Variants in ASH1L observed in about 807,000 individuals in gnomAD.
ASH1L encodes the protein ASH1 like histone lysine methyltransferase.
A neutral mutation model predicts 269.0 loss-of-function variants in ASH1L; 23 were observed. The ratio of observed to expected loss-of-function variants is 0.09; its 90% CI spans 0.06 to 0.12. The LOEUF (loss-of-function observed/expected upper bound fraction) is 0.12. Among genes scored for constraint, ASH1L ranks in the 10% least tolerant of loss-of-function variants. The pLI is 1.00. For synonymous variants in ASH1L, 1,187 were observed against 1,253.5 expected (o/e 0.95, Z 1.12); for missense variants, 2,912 against 3,567.8 (o/e 0.82, Z 4.68).
intron 5 of ASH1L, among the ~76,000 whole-genome samples, chr1:155,419,768 T>A (rs1467035161): frequency 2.0e-5 from 3 of 152,274 alleles, no homozygotes; most frequent in Non-Finnish European, 2.9e-5. Context: ...ATATGTTCAG[T>A]ATCATAACAG....
intron 7 of ASH1L, among the ~76,000 whole-genome samples, chr1:155,394,951 T>A (rs543392905): frequency 6.6e-6 from 1 of 152,328 alleles, no homozygotes; most frequent in South Asian, 2.1e-4. Context: ...TAATTTTTTT[T>A]AGAGACAGGA....
At chr1:155,401,934 C>T (rs1295902484) in intron 6 of ASH1L, among the ~76,000 whole-genome samples, 1 of 151,998 alleles carries the variant, frequency 6.6e-6, no homozygotes, top group Non-Finnish European at 1.5e-5. Flanking sequence ...ACTAAAGATA[C>T]AAAAAATTAG....
chr1:155,401,803 TG>T (rs1230368423), intron 6 of ASH1L, among the ~76,000 whole-genome samples: 3 of 148,430 alleles, frequency 2.0e-5, no homozygotes, highest in Non-Finnish European at 4.5e-5. Context: ...AAGAGCATAC[TG>T]GCTTCCGGGA....
chr1:155,433,542 C>T, intron 5 of ASH1L: 1 of 1,610,130 alleles, frequency 6.2e-7, no homozygotes, highest in Non-Finnish European at 8.5e-7. Context: ...CCCCCTGGTG[C>T]CGTGAAACTG....
chr1:155,467,868 G>T (rs72704180), intron 3 of ASH1L, among the ~76,000 whole-genome samples: 6,516 of 151,944 alleles, frequency 0.043, 170 homozygotes, highest in Middle Eastern at 0.071. Flanking sequence ...TCATTATTCT[G>T]GAATAAATTC....
At chr1:155,476,692 TA>T in intron 3 of ASH1L, among the ~76,000 whole-genome samples, 1 of 151,650 alleles carries the variant, frequency 6.6e-6, no homozygotes, top group South Asian at 2.1e-4. Flanking sequence ...GCTGGGACTA[TA>T]AGCGCCTGCC....
intron 5 of ASH1L, among the ~76,000 whole-genome samples, chr1:155,428,605 C>T (rs751531513): frequency 2.8e-4 from 42 of 152,106 alleles, no homozygotes; most frequent in Non-Finnish European, 4.4e-4. Flanking sequence ...AGAATAAGGG[C>T]AAGAAACACC....
intron 3 of ASH1L, among the ~76,000 whole-genome samples, chr1:155,476,161 C>A (rs1172330960): frequency 6.6e-6 from 1 of 152,082 alleles, no homozygotes; most frequent in Non-Finnish European, 1.5e-5. Flanking sequence ...CCGAGGTGGG[C>A]GGATCACGAG....
chr1:155,442,556 C>T (rs1662678962), intron 4 of ASH1L, among the ~76,000 whole-genome samples: 2 of 140,566 alleles, frequency 1.4e-5, no homozygotes, highest in African/African-American at 5.4e-5. Flanking sequence ...GCCCTCCAGC[C>T]TGGGCGACAA....
chr1:155,475,411 C>G (rs1366303409), intron 3 of ASH1L, among the ~76,000 whole-genome samples: 1 of 152,188 alleles, frequency 6.6e-6, no homozygotes, highest in East Asian at 1.9e-4. Flanking sequence ...TCTGAGATTA[C>G]AGGCGTGAGC....
intron 1 of ASH1L, among the ~76,000 whole-genome samples, chr1:155,553,042 T>C (rs1671324450): frequency 6.6e-6 from 1 of 152,206 alleles, no homozygotes; most frequent in Non-Finnish European, 1.5e-5. Flanking sequence ...AGATTGTAAG[T>C]ATTTTGCTCA....
chr1:155,413,866 C>A (rs536519741), intron 6 of ASH1L, among the ~76,000 whole-genome samples: 4 of 152,030 alleles, frequency 2.6e-5, no homozygotes, highest in Non-Finnish European at 4.4e-5. Context: ...TAGTTAAGTG[C>A]CTATCTTTTT....
chr1:155,551,276 C>CG (rs201056970), intron 1 of ASH1L, among the ~76,000 whole-genome samples: 3,137 of 151,554 alleles, frequency 0.021, 103 homozygotes, highest in African/African-American at 0.073. Context: ...ATCTTTTCCT[C>CG]GGGGGGGAAA....
intron 2 of ASH1L, among the ~76,000 whole-genome samples, chr1:155,519,511 T>C (rs1389294364): frequency 6.6e-6 from 1 of 152,172 alleles, no homozygotes; most frequent in East Asian, 1.9e-4. Flanking sequence ...TGAAAAGGAA[T>C]GAAGTTTTGG....
chr1:155,550,534 AACAC>A (rs1191911984), intron 1 of ASH1L, among the ~76,000 whole-genome samples: 1 of 152,098 alleles, frequency 6.6e-6, no homozygotes, highest in Non-Finnish European at 1.5e-5. Context: ...CTATTCCTTG[AACAC>A]ACCAACAGGT....
intron 8 of ASH1L, among the ~76,000 whole-genome samples, chr1:155,379,435 A>G (rs1006925671): frequency 6.6e-6 from 1 of 152,118 alleles, no homozygotes; most frequent in African/African-American, 2.4e-5. Flanking sequence ...TTGCATGACT[A>G]TTTCTATTTC....
intron 5 of ASH1L, among the ~76,000 whole-genome samples, chr1:155,419,941 C>A (rs1446848931): frequency 6.6e-6 from 1 of 152,134 alleles, no homozygotes; most frequent in East Asian, 1.9e-4. Context: ...AACAATGTTG[C>A]AGAATCCAAG....
Position 155,411,596 on chromosome 1 carries a change from T to TATAAATATATATATATATATATATATAA in ASH1L, c.6008+4147_6008+4148insTTATATATATATATATATATATATTTAT, listed in dbSNP as rs1220672308. Among the ~76,000 whole-genome samples, 3 of 50,096 alleles carry TATAAATATATATATATATATATATATAA rather than the reference T, an allele frequency of 6.0e-5. No individual in the cohort carries two copies. The East Asian group carries it at 1.4e-3, about 24-fold the overall frequency. 32.9% of individuals were successfully genotyped at this position (50,096 alleles called of 152,430 possible). On this transcript the variant is annotated intron_variant, in intron 6 of 27. Coordinates refer to ENST00000392403, the MANE Select transcript of ASH1L (RefSeq NM_018489.3). ...ATAAATAAATAAATAAATATATATA[T>TATAAATATATATATATATATATATATAA]ATATATATATATATATATATATGTT...
intron 21 of ASH1L, chr1:155,346,028 T>G: frequency 1.2e-5 from 6 of 492,054 alleles, no homozygotes; most frequent in Non-Finnish European, 1.7e-5. Context: ...GAGATGGGGT[T>G]TCACCGTGTT....
Sources: gnomAD v4.1 joint callset for allele counts (sites outside exome capture counted in the v4.1 genomes callset) on GRCh38, gnomAD v4.1.1 for gene constraint, MANE v1.5 for transcripts, NCBI Gene and HGNC (gene_info 2026-07-23, HGNC 2026-07-21) for gene names.